The following ACACB variants were observed in gnomAD, a reference collection of about 807,000 sequenced individuals.
The protein encoded by ACACB is acetyl-CoA carboxylase beta.
In ACACB, 209 loss-of-function variants were observed where a neutral mutation model predicts 278.8. The observed-to-expected ratio is 0.75, with a 90% confidence interval of 0.67 to 0.84. The LOEUF (loss-of-function observed/expected upper bound fraction) is 0.84. Among genes scored for constraint, ACACB ranks in the 40% least tolerant of loss-of-function variants. The pLI is 0.00. For synonymous variants in ACACB, 1,174 were observed against 1,285.6 expected, an observed-to-expected ratio of 0.91 and a Z score of 1.86; for missense variants, 2,850 against 3,269.0, an observed-to-expected ratio of 0.87 and a Z score of 3.13.
chr12:109,222,736 G>A (rs529449482), intron 25 of ACACB, 63 bp from the exon 26 acceptor site: 83 of 1,553,294 alleles, frequency 5.3e-5, no homozygotes, highest in Non-Finnish European at 6.8e-5. Context: ...GCCCGTGCCC[G>A]AGCCTCTGCC....
chr12:109,216,544 T>G, intron 22 of ACACB, 74 bp from the exon 23 acceptor site: 1 of 1,428,486 alleles, frequency 7.0e-7, no homozygotes, highest in Non-Finnish European at 9.7e-7. Context: ...TTAAAAATCA[T>G]AAAAAAAAAT....
intron 40 of ACACB, among the ~76,000 whole-genome samples, chr12:109,248,010 G>A (rs1057205949): frequency 1.2e-4 from 19 of 152,202 alleles, no homozygotes; most frequent in African/African-American, 4.3e-4. Flanking sequence ...CTGATGCAGC[G>A]GTGACTTGGC....
chr12:109,146,204 AG>A (rs970547050), intron 2 of ACACB, among the ~76,000 whole-genome samples: 4 of 152,178 alleles, frequency 2.6e-5, no homozygotes, highest in Non-Finnish European at 4.4e-5. Context: ...AGAAGAGGCC[AG>A]GGGTATTTAT....
chr12:109,171,150 A>T (rs1299181636), intron 4 of ACACB, among the ~76,000 whole-genome samples: 1 of 147,238 alleles, frequency 6.8e-6, no homozygotes, highest in Non-Finnish European at 1.5e-5. Flanking sequence ...CACCGTGCCC[A>T]GCCCTATTAT....
chr12:109,180,737 A>G (rs1011199709), intron 11 of ACACB, among the ~76,000 whole-genome samples: 2 of 152,098 alleles, frequency 1.3e-5, no homozygotes, highest in Admixed American at 6.5e-5. Context: ...TCCCAGGCAT[A>G]CAATGTGTAA....
chr12:109,150,346 G>A (rs994546401), intron 2 of ACACB, among the ~76,000 whole-genome samples: 5 of 152,150 alleles, frequency 3.3e-5, no homozygotes, highest in African/African-American at 9.7e-5. Context: ...TTGCCTGTGC[G>A]CATGGTTATT....
Position 109,121,895 on chromosome 12 carries a change from CAG to C in ACACB, c.-10+5196_-10+5197del, listed in dbSNP as rs370740490. ...AGAGGCATAAACTCATTGGTGAATG[CAG>C]AGAGTCAGGTCAGCACGTGATGAAT... On this transcript the variant is annotated intron_variant, in intron 1 of 52. Transcript: ENST00000338432. 8.5e-4 allele frequency among the ~76,000 whole-genome samples: 129 copies of C among 152,306 alleles called. 1 individual carries two copies. The East Asian group carries it at 0.023, about 27-fold the overall frequency.
chr12:109,146,458 G>C (rs2043244738), intron 2 of ACACB, among the ~76,000 whole-genome samples: 1 of 152,154 alleles, frequency 6.6e-6, no homozygotes, highest in Admixed American at 6.5e-5. Context: ...GTCTTCAAGG[G>C]GCTGTCTCCT....
At chr12:109,260,160 G>A in intron 47 of ACACB, 1 of 1,414,332 alleles carries the variant, frequency 7.1e-7, no homozygotes. Context: ...GTTAGTGAGG[G>A]TTTTCTTTGC....
chr12:109,168,932 A>C (rs1352382535), intron 4 of ACACB, among the ~76,000 whole-genome samples: 1 of 152,170 alleles, frequency 6.6e-6, no homozygotes, highest in African/African-American at 2.4e-5. Flanking sequence ...TGAGGCCAGG[A>C]GTTTTGAGAT....
chr12:109,180,082 C>G lies in ACACB; in HGVS notation c.1813C>G (p.Leu605Val). The G allele has an allele frequency of 6.2e-7, 1 of 1,610,096 alleles. No individual in the cohort carries two copies. Among genetic ancestry groups the G allele is most frequent in the South Asian group, 1.1e-5 (1 of 90,968 alleles). The change falls in exon 11 of 53, where the codon CTA (leucine) becomes GTA (valine). Residue 605 changes from leucine to valine, a missense_variant. Coordinates refer to ENST00000338432, the MANE Select transcript of ACACB (RefSeq NM_001093.4). ...IADVNLPAAQ[L>V]QIAMGVPLHR... ...TGATGTTAATCTGCCGGCCGCCCAG[C>G]TACAGGTGAGAAAATGGGCTTGGGG... is the stretch of plus-strand genomic sequence containing the variant.
chr12:109,205,599 G>A (rs558960263), intron 19 of ACACB, among the ~76,000 whole-genome samples: 7 of 151,908 alleles, frequency 4.6e-5, no homozygotes, highest in Non-Finnish European at 8.8e-5. Context: ...ACAGGCACGC[G>A]CCACCATGAC....
Position 109,179,292 on chromosome 12 carries a change from G to T in ACACB, c.1642G>T (p.Glu548Ter). ...CCCGCTGGCCATATTCGAGTTCATG[G>T]AGCAGGTACACTTCTCAGAGCCCAG... ...IAPLAIFEFM[E>*]QCAIRLAKTV... The change falls in exon 10 of 53, where the codon GAG (glutamate) becomes TAG (stop). Residue 548 changes from glutamate to a stop codon, truncating the protein, a stop_gained. Coordinates refer to ENST00000338432, the MANE Select transcript of ACACB (RefSeq NM_001093.4). LOFTEE classifies it high-confidence loss of function. 1 of 1,613,018 alleles carries T rather than the reference G, an allele frequency of 6.2e-7. No homozygotes were observed. Among genetic ancestry groups the T allele is most frequent in the South Asian group, 1.1e-5 (1 of 90,902 alleles).
At chr12:109,252,336 G>C (rs2047119550) in intron 42 of ACACB, 180 bp downstream of exon 42, 1 of 478,124 alleles carries the variant, frequency 2.1e-6, no homozygotes, top group Non-Finnish European at 3.7e-6. Flanking sequence ...AAAAAAATTA[G>C]TTTTAGGCAA....
rs17848844 is a variant in ACACB at position 109,264,599 on chromosome 12, C to T, written c.6942+213C>T. On this transcript the variant is annotated intron_variant, in intron 50 of 52. Coordinates refer to ENST00000338432, the MANE Select transcript of ACACB (RefSeq NM_001093.4). ...TCCAAACACCTGGATGGAAGCCAGG[C>T]GGTCGTATTTTTTAAAGATCCCCAA... Among the ~76,000 whole-genome samples, 6,949 of 152,138 alleles carry T rather than the reference C, an allele frequency of 0.046. 477 individuals carry two copies. The highest frequency in any genetic ancestry group is 0.15 in the African/African-American group (6,165 of 41,470).
chr12:109,247,840 C>T, intron 40 of ACACB, 137 bp downstream of exon 40: 1 of 668,782 alleles, frequency 1.5e-6, no homozygotes, highest in Non-Finnish European at 2.6e-6. Flanking sequence ...GTTGGGGGCA[C>T]TGATGCCTTA....
intron 19 of ACACB, among the ~76,000 whole-genome samples, chr12:109,204,271 C>CTTTT (rs58720572): frequency 3.2e-5 from 3 of 93,146 alleles, no homozygotes; most frequent in South Asian, 4.1e-4. Flanking sequence ...AATACTATAT[C>CTTTT]TTTTTTTTTT....
At position 109,213,732 on chromosome 12, in the gene ACACB, G is replaced by C. The variant is rs140703220; in HGVS notation, c.3350+796G>C. Among the ~76,000 whole-genome samples, 81 of 152,168 alleles carry C rather than the reference G, an allele frequency of 5.3e-4. 2 individuals are homozygous for C. In the East Asian group the frequency reaches 0.014, roughly 26 times the overall value. ...GCTGCCTCAGCCTCCCGAGTAGCTG[G>C]AACTACGGGCGCCCAACACCACGCC... On this transcript the variant is annotated intron_variant, in intron 22 of 52. Coordinates refer to ENST00000338432, the MANE Select transcript of ACACB (RefSeq NM_001093.4).
At position 109,193,739 on chromosome 12, in the gene ACACB, C is replaced by T. The variant is rs2044983545; in HGVS notation, c.2481+10C>T. 1.9e-6 allele frequency: 3 copies of T among 1,606,290 alleles called. No individual in the cohort carries two copies. Among genetic ancestry groups the T allele is most frequent in the Non-Finnish European group, 2.6e-6 (3 of 1,173,106 alleles). On this transcript the variant is annotated intron_variant, in intron 16 of 52. Transcript: ENST00000338432. ...TAAGTACATTCTCAAGGTAAATGCC[C>T]CCGTGCCTCTCCGATGTCTCCAACA...
Sources: allele counts gnomAD v4.1 joint callset (sites outside exome capture counted in the v4.1 genomes callset), GRCh38; gene constraint gnomAD v4.1.1; transcripts MANE v1.5; gene names NCBI Gene and HGNC (gene_info 2026-07-23, HGNC 2026-07-21).